FAM162A: variants seen among roughly 807,000 people sequenced by gnomAD.
The protein encoded by FAM162A is protein FAM162A.
A neutral mutation model predicts 21.8 loss-of-function variants in FAM162A; 23 were observed. That is an observed-to-expected ratio of 1.05 (90% CI 0.76 to 1.49). FAM162A has a LOEUF of 1.49. Among genes scored for constraint, FAM162A ranks in the 40% most tolerant of loss-of-function variants. The pLI, the probability that FAM162A is intolerant of heterozygous loss-of-function variation, is 0.00. For missense variants in FAM162A, 165 were observed against 186.4 expected (o/e 0.89, Z 0.67); for synonymous variants, 53 against 61.3 (o/e 0.86, Z 0.64).
chr3:122,396,967 A>G (rs1250911268), intron 1 of FAM162A, among the ~76,000 whole-genome samples: 1 of 151,882 alleles, frequency 6.6e-6, no homozygotes, highest in Non-Finnish European at 1.5e-5. Flanking sequence ...GGAAACAGGG[A>G]ATGACTGCTA....
intron 1 of FAM162A, among the ~76,000 whole-genome samples, chr3:122,391,648 T>G (rs1020724788): frequency 6.6e-6 from 1 of 152,364 alleles, no homozygotes; most frequent in South Asian, 2.1e-4. Context: ...ACTACCTCAG[T>G]ACCTCTCTCA....
At chr3:122,386,135 T>C (rs57086078) in intron 1 of FAM162A, among the ~76,000 whole-genome samples, 10,919 of 152,248 alleles carry the variant, frequency 0.072, 541 homozygotes, top group Admixed American at 0.13. Context: ...TAATCTGAAA[T>C]GGAAGAGTCA....
At chr3:122,407,858 C>T (rs917732248) in intron 4 of FAM162A, 5 of 166,130 alleles carry the variant, frequency 3.0e-5, no homozygotes, top group African/African-American at 1.2e-4. Flanking sequence ...CTAAGCAGTA[C>T]ATAGGAATAC....
chr3:122,397,803 TC>T (rs577874938), intron 1 of FAM162A, among the ~76,000 whole-genome samples: 26 of 152,346 alleles, frequency 1.7e-4, no homozygotes, highest in Non-Finnish European at 3.5e-4. Context: ...TGAAGGTATT[TC>T]CTAGCTTTGT....
chr3:122,402,915 G>T, intron 2 of FAM162A, 33 bp downstream of exon 2: 2 of 1,572,052 alleles, frequency 1.3e-6, no homozygotes, highest in Non-Finnish European at 1.7e-6. Context: ...TATGGAGTTG[G>T]TAGCTCCCAA....
rs374475485 is a variant in FAM162A, at chr3:122,389,044, G to A, written c.34+4745G>A. ...AGCCTGGGCAACAGAGCAAGACTCCGTCTCAAAAAAAAAAAAAATGTATTC... is the reference window on the plus strand; with the variant it reads ...AGCCTGGGCAACAGAGCAAGACTCCATCTCAAAAAAAAAAAAAATGTATTC... On this transcript the variant is annotated intron_variant, in intron 1 of 4. Coordinates refer to ENST00000477892, the MANE Select transcript of FAM162A (RefSeq NM_014367.4). Among the ~76,000 whole-genome samples the A allele has an allele frequency of 3.4e-4, 49 of 142,614 alleles. No homozygotes were observed. The East Asian group carries it at 7.8e-3, about 23-fold the overall frequency. The allele number at this position is 142,614 out of a possible 152,430, so 93.6% of individuals were successfully genotyped here. A position where few individuals can be genotyped will look rare whatever the true frequency, so the allele number is the denominator to read the frequency against.
At chr3:122,385,431 T>C (rs1251723169) in intron 1 of FAM162A, among the ~76,000 whole-genome samples, 3 of 152,220 alleles carry the variant, frequency 2.0e-5, no homozygotes, top group Admixed American at 6.5e-5. Context: ...ACCTAAAATA[T>C]CTTCTGTACA....
intron 1 of FAM162A, chr3:122,401,681 T>G (rs1576251554): frequency 2.6e-6 from 1 of 378,136 alleles, no homozygotes. Flanking sequence ...GAGATGGTAT[T>G]GCATTGTGGT....
rs1006731513 is a variant in FAM162A, at chr3:122,412,280, A to G, written c.*2449A>G. On this transcript the variant is annotated 3_prime_UTR_variant, in exon 5 of 5. Coordinates refer to ENST00000477892, the MANE Select transcript of FAM162A (RefSeq NM_014367.4). ...GTAAAGTGGGCAGAAATCTTTTTCT[A>G]CTTTACATTTCCTGTAAGTGCTGTT... 1 of 152,172 alleles carries G rather than the reference A, an allele frequency of 6.6e-6. No homozygotes were observed. The highest frequency in any genetic ancestry group is 2.4e-5 in the African/African-American group (1 of 41,446). 9.4% of individuals were successfully genotyped at this position (152,172 alleles called of 1,614,324 possible).
At position 122,412,097 on chromosome 3, in the gene FAM162A, TCA is replaced by T. The variant is rs1405740002; in HGVS notation, c.*2267_*2268del. The T allele has an allele frequency of 6.6e-6, 1 of 152,214 alleles. No individual in the cohort carries two copies. Among genetic ancestry groups the T allele is most frequent in the Non-Finnish European group, 1.5e-5 (1 of 68,038 alleles). 9.4% of individuals were successfully genotyped at this position (152,214 alleles called of 1,614,324 possible). A position where few individuals can be genotyped will look rare whatever the true frequency, so the allele number is the denominator to read the frequency against. On this transcript the variant is annotated 3_prime_UTR_variant, in exon 5 of 5. Coordinates refer to ENST00000477892, the MANE Select transcript of FAM162A (RefSeq NM_014367.4). ...TAGTAACTCTGATATCTCATAGTCC[TCA>T]GATTTATCAAGCAAACGAAACTGAA...
chr3:122,404,392 GC>G (rs774534838), intron 3 of FAM162A, 29 bp downstream of exon 3: 5 of 1,251,630 alleles, frequency 4.0e-6, no homozygotes, highest in Non-Finnish European at 5.7e-6. Context: ...ATTACAAGCA[GC>G]TTTCATTTCT....
At chr3:122,389,381 G>GGATAGATGGATAGATAGATA (rs1388512053) in intron 1 of FAM162A, among the ~76,000 whole-genome samples, 2 of 145,232 alleles carry the variant, frequency 1.4e-5, no homozygotes, top group African/African-American at 5.1e-5. Flanking sequence ...TAGTATAGAT[G>GGATAGATGGATAGATAGATA]GATAGATAGA....
At chr3:122,387,441 A>C (rs1289037340) in intron 1 of FAM162A, among the ~76,000 whole-genome samples, 2 of 152,310 alleles carry the variant, frequency 1.3e-5, no homozygotes, top group Admixed American at 1.3e-4. Flanking sequence ...AAGTCAGGTA[A>C]TTTAGTCCTC....
At chr3:122,399,130 TTGTC>T (rs2075642213) in intron 1 of FAM162A, among the ~76,000 whole-genome samples, 1 of 152,050 alleles carries the variant, frequency 6.6e-6, no homozygotes, top group South Asian at 2.1e-4. Context: ...TCCCTTCTGT[TTGTC>T]CATGTGTTCT....
Position 122,384,412 on chromosome 3 carries a change from C to G in FAM162A, c.34+113C>G. On this transcript the variant is annotated intron_variant, in intron 1 of 4. Transcript: ENST00000477892. The stretch of plus-strand genomic sequence containing the variant: ...GTGGCTCCATTCCATGACGCACTTT[C>G]TCGGTTCCTCAGAATCCTACCTACT... The G allele has an allele frequency of 2.3e-6, 3 of 1,285,610 alleles. No homozygotes were observed. The South Asian group carries it at 3.8e-5, about 16-fold the overall frequency. The allele number at this position is 1,285,610 out of a possible 1,614,324, so 79.6% of individuals were successfully genotyped here.
rs148130795 is a variant in FAM162A, at chr3:122,411,672, GCCT to G, written c.*1846_*1848del. The G allele has an allele frequency of 6.6e-6, 1 of 151,894 alleles. No homozygotes were observed. The highest frequency in any genetic ancestry group is 2.4e-5 in the African/African-American group (1 of 41,358). The allele number at this position is 151,894 out of a possible 1,614,324, so 9.4% of individuals were successfully genotyped here. On this transcript the variant is annotated 3_prime_UTR_variant, in exon 5 of 5. Transcript: ENST00000477892. The stretch of plus-strand genomic sequence containing the variant: ...GGGTTCAAGCAATTCTCGTGCCTCA[GCCT>G]CCTCAGTAACTGGCATTATAGGTGT...
At chr3:122,399,776 C>T (rs1183927665) in intron 1 of FAM162A, among the ~76,000 whole-genome samples, 1 of 152,112 alleles carries the variant, frequency 6.6e-6, no homozygotes, top group Non-Finnish European at 1.5e-5. Context: ...TTCTCTGAAA[C>T]CTCACCACAG....
intron 3 of FAM162A, among the ~76,000 whole-genome samples, chr3:122,406,313 C>T (rs1392258249): frequency 6.6e-6 from 1 of 152,158 alleles, no homozygotes; most frequent in African/African-American, 2.4e-5. Context: ...GCCTATAGCC[C>T]CGGCTGCTCA....
At chr3:122,386,620 G>C (rs956344775) in intron 1 of FAM162A, among the ~76,000 whole-genome samples, 1 of 151,244 alleles carries the variant, frequency 6.6e-6, no homozygotes, top group Non-Finnish European at 1.5e-5. Context: ...CAGAATATTT[G>C]GAATAAGATT....
Sources: gnomAD v4.1 joint callset for allele counts (sites outside exome capture counted in the v4.1 genomes callset) on GRCh38, gnomAD v4.1.1 for gene constraint, MANE v1.5 for transcripts, NCBI Gene and HGNC (gene_info 2026-07-23, HGNC 2026-07-21) for gene names.